The following CERT1 variants were observed in gnomAD, a reference collection of about 807,000 sequenced individuals.
CERT1 encodes ceramide transporter 1.
A neutral mutation model predicts 87.9 loss-of-function variants in CERT1; 31 were observed. The observed-to-expected ratio is 0.35, with a 90% CI of 0.27 to 0.48. CERT1 has a LOEUF of 0.48. Among genes scored for constraint, CERT1 ranks in the 20% least tolerant of loss-of-function variants. The pLI, the probability that CERT1 is intolerant of heterozygous loss-of-function variation, is 0.99. For missense variants in CERT1, 487 were observed against 758.0 expected (o/e 0.64, Z 4.20); for synonymous variants, 289 against 250.9 (o/e 1.15, Z -1.44).
At position 75,430,187 on chromosome 5, in the gene CERT1, C is replaced by T. The variant is rs180867032; in HGVS notation, c.349-3709G>A. On this transcript the variant is annotated intron_variant, in intron 3 of 16. Transcript: ENST00000643780. Reference sequence around the variant, plus strand: ...TCAAACTTCTAACACCTACCAGTTGCCAAAGTAAAATGGTCACACTTTTTA... The same window carrying T: ...TCAAACTTCTAACACCTACCAGTTGTCAAAGTAAAATGGTCACACTTTTTA... 2.6e-5 allele frequency among the ~76,000 whole-genome samples: 4 copies of T among 152,238 alleles called. No homozygotes were observed. The East Asian group carries it at 5.8e-4, about 22-fold the overall frequency.
At chr5:75,499,856 C>T (rs7726478) in intron 2 of CERT1, among the ~76,000 whole-genome samples, 17,271 of 152,116 alleles carry the variant, frequency 0.11, 1,171 homozygotes, top group East Asian at 0.23. Context: ...CTTTGTGTTA[C>T]GGGTTGAACT....
At chr5:75,432,533 C>T (rs970277804) in intron 3 of CERT1, among the ~76,000 whole-genome samples, 4 of 152,142 alleles carry the variant, frequency 2.6e-5, no homozygotes, top group African/African-American at 9.7e-5. Context: ...CTGTTCATGT[C>T]CTTTGCCCAT....
intron 3 of CERT1, among the ~76,000 whole-genome samples, chr5:75,439,343 T>A (rs1764222326): frequency 6.6e-6 from 1 of 151,912 alleles, no homozygotes; most frequent in South Asian, 2.1e-4. Flanking sequence ...CCAAAGAAAG[T>A]GGTATAAAAC....
intron 5 of CERT1, among the ~76,000 whole-genome samples, chr5:75,421,153 G>T (rs981191131): frequency 6.6e-6 from 1 of 152,132 alleles, no homozygotes; most frequent in African/African-American, 2.4e-5. Flanking sequence ...TATAAAGAAG[G>T]AATCTACATT....
intron 9 of CERT1, 186 bp from the exon 10 acceptor site, chr5:75,400,483 T>C: frequency 1.9e-6 from 1 of 524,782 alleles, no homozygotes; most frequent in South Asian, 3.0e-5. Context: ...TATCCCAATT[T>C]AACCTCTTCT....
downstream of CERT1, chr5:75,373,146 T>C (rs766417356): frequency 2.6e-5 from 4 of 152,246 alleles, no homozygotes; most frequent in East Asian, 1.9e-4. Flanking sequence ...AAGAGAGGCA[T>C]TGCTCACATT....
intron 2 of CERT1, among the ~76,000 whole-genome samples, chr5:75,489,328 T>C (rs531834505): frequency 6.9e-4 from 105 of 152,306 alleles, no homozygotes; most frequent in Non-Finnish European, 1.1e-3. Context: ...ATTGAGGACA[T>C]AGGCATTGGC....
intron 2 of CERT1, among the ~76,000 whole-genome samples, chr5:75,497,981 A>G (rs1165410194): frequency 6.6e-6 from 1 of 152,168 alleles, no homozygotes; most frequent in African/African-American, 2.4e-5. Context: ...AAATGCTGAT[A>G]ATGATATGGA....
intron 9 of CERT1, 199 bp from the exon 10 acceptor site, chr5:75,400,496 CT>C: frequency 2.0e-6 from 1 of 512,106 alleles, no homozygotes; most frequent in East Asian, 3.1e-5. Flanking sequence ...CCTCTTCTTT[CT>C]GACTCCACAG....
intron 3 of CERT1, among the ~76,000 whole-genome samples, chr5:75,439,345 G>A (rs1057509600): frequency 6.6e-6 from 1 of 151,778 alleles, no homozygotes; most frequent in African/African-American, 2.4e-5. Context: ...AAAGAAAGTG[G>A]TATAAAACAT....
At chr5:75,485,720 T>C (rs1766491293) in intron 2 of CERT1, among the ~76,000 whole-genome samples, 1 of 152,072 alleles carries the variant, frequency 6.6e-6, no homozygotes, top group Non-Finnish European at 1.5e-5. Context: ...TATTAGAGGC[T>C]ACTATAAGCA....
intron 2 of CERT1, among the ~76,000 whole-genome samples, chr5:75,504,578 TTATA>T (rs950053238): frequency 1.3e-5 from 2 of 152,126 alleles, no homozygotes; most frequent in Non-Finnish European, 2.9e-5. Flanking sequence ...ATCTGAAGTA[TTATA>T]TATATATCTT....
At chr5:75,494,619 AC>A (rs1233485383) in intron 2 of CERT1, among the ~76,000 whole-genome samples, 1 of 152,014 alleles carries the variant, frequency 6.6e-6, no homozygotes, top group Non-Finnish European at 1.5e-5. Context: ...TACACTCTCC[AC>A]CCCCAACTCT....
At chr5:75,489,277 C>G (rs1766663746) in intron 2 of CERT1, among the ~76,000 whole-genome samples, 1 of 152,092 alleles carries the variant, frequency 6.6e-6, no homozygotes, top group Non-Finnish European at 1.5e-5. Context: ...AATGTAAGAC[C>G]CAAAACCATA....
chr5:75,409,198 C>T (rs1030942386), intron 8 of CERT1, among the ~76,000 whole-genome samples: 2 of 151,970 alleles, frequency 1.3e-5, no homozygotes, highest in Non-Finnish European at 2.9e-5. Context: ...AGTTTCAAAA[C>T]AAAAATCATC....
chr5:75,490,619 C>T (rs1339072187), intron 2 of CERT1, among the ~76,000 whole-genome samples: 1 of 152,110 alleles, frequency 6.6e-6, no homozygotes, highest in South Asian at 2.1e-4. Flanking sequence ...CTGCCTCAGC[C>T]TCCCGAGTAG....
At chr5:75,478,334 G>A (rs1049423673) in intron 2 of CERT1, among the ~76,000 whole-genome samples, 7 of 151,268 alleles carry the variant, frequency 4.6e-5, no homozygotes, top group Admixed American at 4.0e-4. Context: ...ATAAAAAAAA[G>A]AAAAGAAAAG....
rs540711527 is a variant in CERT1, at chr5:75,460,764, T to A, written c.232-1583A>T. On this transcript the variant is annotated intron_variant, in intron 2 of 16. Coordinates refer to ENST00000643780, the MANE Select transcript of CERT1 (RefSeq NM_001379029.1). ...TTAACAACATCCACCTTTTATCTCA[T>A]CAGTTTATTTAGCAAACACAATATA... is the stretch of plus-strand genomic sequence containing the variant. Among the ~76,000 whole-genome samples the A allele has an allele frequency of 6.6e-5, 10 of 152,348 alleles. No homozygotes were observed. The South Asian group carries it at 2.1e-3, about 32-fold the overall frequency.
At chr5:75,451,378 A>T (rs1274548246) in intron 3 of CERT1, among the ~76,000 whole-genome samples, 1 of 152,176 alleles carries the variant, frequency 6.6e-6, no homozygotes, top group African/African-American at 2.4e-5. Context: ...AGCCCCGACT[A>T]CTGTAAGAAC....
Sources: gnomAD v4.1 joint callset for allele counts (sites outside exome capture counted in the v4.1 genomes callset) on GRCh38, gnomAD v4.1.1 for gene constraint, MANE v1.5 for transcripts, NCBI Gene and HGNC (gene_info 2026-07-23, HGNC 2026-07-21) for gene names.